Variants in HERC2 observed in about 807,000 individuals in gnomAD.
HERC2 encodes the protein E3 ubiquitin-protein ligase HERC2.
HERC2 carries 102 observed loss-of-function variants against 537.7 expected under a neutral mutation model. The ratio of observed to expected loss-of-function variants is 0.19; its 90% CI spans 0.16 to 0.22. HERC2 has a LOEUF of 0.22. Ranked by LOEUF, HERC2 falls within the 10% of genes least tolerant of loss-of-function variation. The pLI, the probability that HERC2 is intolerant of heterozygous loss-of-function variation, is 1.00. For synonymous variants in HERC2, 2,224 were observed against 2,466.2 expected (o/e 0.90, Z 2.91); for missense variants, 4,236 against 6,198.2 (o/e 0.68, Z 10.63).
In HERC2 at chr15:28,293,084, T is replaced by C. The variant is rs2076363027; in HGVS notation, c.188-62A>G. The C allele has an allele frequency of 2.7e-6, 4 of 1,477,478 alleles. No individual in the cohort carries two copies. In the East Asian group the frequency reaches 9.1e-5, roughly 33 times the overall value. 91.5% of individuals were successfully genotyped at this position (1,477,478 alleles called of 1,614,324 possible). Reference sequence around the variant, plus strand: ...TTCAGAATGCCATACCATTAGTCTCTGCAAATGTCCCTCCCCGAAAAGTTA... The same window carrying C: ...TTCAGAATGCCATACCATTAGTCTCCGCAAATGTCCCTCCCCGAAAAGTTA... On this transcript the variant is annotated intron_variant, in intron 3 of 92. Transcript: ENST00000261609.
intron 15 of HERC2, 44 bp from the exon 16 acceptor site, chr15:28,261,014 T>C (rs760725411): frequency 4.1e-6 from 6 of 1,454,754 alleles, no homozygotes; most frequent in South Asian, 2.4e-5. Context: ...AGCCTATGAC[T>C]TCCGCTGCAA....
chr15:28,125,351 G>A (rs1244277068), intron 83 of HERC2, among the ~76,000 whole-genome samples, 158 bp from the exon 84 acceptor site: 3 of 152,184 alleles, frequency 2.0e-5, no homozygotes, highest in South Asian at 2.1e-4. Flanking sequence ...ATGAATGTCT[G>A]CTTTAGGTAT....
Position 28,215,664 on chromosome 15 carries a change from A to G in HERC2, c.6167T>C (p.Val2056Ala). 6.2e-7 allele frequency: 1 copy of G among 1,611,874 alleles called. No homozygotes were observed. The highest frequency in any genetic ancestry group is 8.5e-7 in the Non-Finnish European group (1 of 1,179,750). The change falls in exon 39 of 93, where the codon GTG becomes GCG. Residue 2056 changes from valine (V) to alanine (A), a missense_variant. Physicochemically the swap from Val to Ala is moderately conservative, Grantham distance 64. Coordinates refer to ENST00000261609, the MANE Select transcript of HERC2 (RefSeq NM_004667.6). ...PQWITLLMKV[V>A]EGHAPFTATS... ...GGCAGTGAAGGGTGCGTGCCCTTCC[A>G]CGACCTTCATGAGCAGCGTGATCCA...
chr15:28,209,406 C>T (rs1467920931), intron 44 of HERC2, among the ~76,000 whole-genome samples: 6 of 152,114 alleles, frequency 3.9e-5, no homozygotes, highest in South Asian at 2.1e-4. Context: ...TGCAGTGACA[C>T]GATCTCGCCT....
At position 28,169,567 on chromosome 15, in the gene HERC2, C is replaced by T. The variant is rs1894487917; in HGVS notation, c.10146G>A (p.Lys3382=). The T allele has an allele frequency of 1.9e-6, 3 of 1,613,712 alleles. No individual in the cohort carries two copies. Among genetic ancestry groups the T allele is most frequent in the Non-Finnish European group, 2.5e-6 (3 of 1,179,680 alleles). ...NSKPNRPSLA[K]ILLSLDGNLA... ...GATTTCCATCCAATGACAAGAGAAT[C>T]TTGGCAAGAGAAGGGCGATTTGGCT... The change falls in exon 66 of 93, where the codon AAG becomes AAA. Residue 3382 remains lysine, a synonymous_variant. Coordinates refer to ENST00000261609, the MANE Select transcript of HERC2 (RefSeq NM_004667.6).
At chr15:28,170,331 A>G (rs1326460000) in intron 65 of HERC2, among the ~76,000 whole-genome samples, 2 of 152,226 alleles carry the variant, frequency 1.3e-5, no homozygotes, top group Non-Finnish European at 2.9e-5. Context: ...ATAAGAATCA[A>G]TGGAATAAAC....
chr15:28,172,866 C>G (rs1311296325), intron 65 of HERC2, among the ~76,000 whole-genome samples: 1 of 152,182 alleles, frequency 6.6e-6, no homozygotes, highest in Non-Finnish European at 1.5e-5. Context: ...CTATATTAGG[C>G]AAAGGACTTG....
At chr15:28,277,241 G>T (rs368866419) in intron 5 of HERC2, among the ~76,000 whole-genome samples, 8 of 152,246 alleles carry the variant, frequency 5.3e-5, no homozygotes, top group African/African-American at 1.9e-4. Flanking sequence ...TGCAGTGGTG[G>T]TCTCAGAAAA....
chr15:28,112,903 A>G (rs1444671568), intron 92 of HERC2, among the ~76,000 whole-genome samples, 168 bp downstream of exon 92: 1 of 152,224 alleles, frequency 6.6e-6, no homozygotes, highest in Non-Finnish European at 1.5e-5. Flanking sequence ...ACACATAATC[A>G]TAACATTTTG....
intron 2 of HERC2, among the ~76,000 whole-genome samples, chr15:28,306,271 A>G (rs1385154135): frequency 6.6e-6 from 1 of 152,182 alleles, no homozygotes; most frequent in East Asian, 1.9e-4. Context: ...GGGGGTTTTT[A>G]TCATGAAAGG....
chr15:28,134,670 T>C (rs1377990724), intron 79 of HERC2, among the ~76,000 whole-genome samples: 1 of 151,426 alleles, frequency 6.6e-6, no homozygotes, highest in Non-Finnish European at 1.5e-5. Flanking sequence ...TTATCAGAAA[T>C]GGATGTTGGA....
In HERC2 at chr15:28,144,656, A is replaced by G. The variant is rs1451711519; in HGVS notation, c.11140+17T>C. On this transcript the variant is annotated intron_variant, in intron 72 of 92. Coordinates refer to ENST00000261609, the MANE Select transcript of HERC2 (RefSeq NM_004667.6). ...AGCCAGTCATCTAACCTTGATCGCC[A>G]TAAGCCCCTTCCTTACCAGCAGCTG... The G allele has an allele frequency of 3.4e-5, 55 of 1,614,084 alleles. No homozygotes were observed. Among genetic ancestry groups the G allele is most frequent in the Non-Finnish European group, 4.7e-5 (55 of 1,180,038 alleles).
intron 8 of HERC2, 95 bp downstream of exon 8, chr15:28,272,799 C>T (rs2075772787): frequency 1.3e-5 from 10 of 767,982 alleles, no homozygotes; most frequent in South Asian, 3.3e-5. Flanking sequence ...ACATCTGCTG[C>T]GGTCACAAAC....
intron 78 of HERC2, among the ~76,000 whole-genome samples, chr15:28,136,870 A>G (rs1187846632): frequency 6.6e-6 from 1 of 152,246 alleles, no homozygotes; most frequent in Non-Finnish European, 1.5e-5. Context: ...GAATTAACCA[A>G]CGAAAGAATT....
intron 23 of HERC2, among the ~76,000 whole-genome samples, chr15:28,241,419 C>CAT (rs1903105364): frequency 6.6e-6 from 1 of 151,814 alleles, no homozygotes; most frequent in Admixed American, 6.6e-5. Context: ...CTGACAGGAA[C>CAT]ATAAAATGGT....
At chr15:28,163,040 T>C (rs1566959176) in intron 69 of HERC2, 54 bp downstream of exon 69, 3 of 1,438,982 alleles carry the variant, frequency 2.1e-6, no homozygotes, top group Non-Finnish European at 2.9e-6. Flanking sequence ...GAGAGGAGGG[T>C]GGCCCAACAT....
At chr15:28,204,388 G>C (rs1314480313) in intron 45 of HERC2, among the ~76,000 whole-genome samples, 1 of 152,138 alleles carries the variant, frequency 6.6e-6, no homozygotes, top group Admixed American at 6.5e-5. Flanking sequence ...TTGGGAGCCC[G>C]AGGAGGGCGG....
intron 81 of HERC2, among the ~76,000 whole-genome samples, chr15:28,130,981 C>T (rs1310834970): frequency 2.6e-5 from 4 of 152,250 alleles, no homozygotes; most frequent in East Asian, 1.9e-4. Context: ...CAGAGGCCCG[C>T]GGGGGAGGAG....
rs1890547664 is a variant in HERC2 at position 28,135,507 on chromosome 15, T to G, written c.12201A>C (p.Glu4067Asp). 1 of 1,614,054 alleles carries G rather than the reference T, an allele frequency of 6.2e-7. No individual in the cohort carries two copies. The highest frequency in any genetic ancestry group is 1.3e-5 in the African/African-American group (1 of 74,930). ...TGTTGCCATGCCCCAACTTCCCATC[T>G]TCTGCCTCACCCCAAGAGTAAACTT... Reference protein sequence around the residue: ...EGEVYSWGEAEDGKLGHGNRS... With the variant: ...EGEVYSWGEADDGKLGHGNRS... The change falls in exon 79 of 93, where the codon GAA becomes GAC. Residue 4067 changes from glutamate to aspartate, a missense_variant. Around this residue, in one of 27 missense-constraint regions of HERC2, gnomAD observed 1 missense variants for 16.4 expected, o/e 0.06. Coordinates refer to ENST00000261609, the MANE Select transcript of HERC2 (RefSeq NM_004667.6).
Sources: gnomAD v4.1 joint callset for allele counts (sites outside exome capture counted in the v4.1 genomes callset) on GRCh38, gnomAD v4.1.1 for gene constraint, gnomAD v4.1.1 regional missense constraint, MANE v1.5 for transcripts, NCBI Gene and HGNC (gene_info 2026-07-23, HGNC 2026-07-21) for gene names.